Variants in TPD52L1 observed in about 807,000 individuals in gnomAD.
The protein encoded by TPD52L1 is TPD52 like 1, also known as tumor protein D53.
TPD52L1 carries 18 observed loss-of-function variants against 28.7 expected under a neutral mutation model. The observed-to-expected ratio is 0.63, with a 90% CI of 0.43 to 0.93. TPD52L1 has a LOEUF of 0.93. TPD52L1 is among the 40% of genes least tolerant of loss of function. TPD52L1 has a pLI of 0.00. For synonymous variants in TPD52L1, 75 were observed against 88.8 expected, an observed-to-expected ratio of 0.84 and a Z score of 0.88; for missense variants, 203 against 254.8, an observed-to-expected ratio of 0.80 and a Z score of 1.39.
chr6:125,245,249 T>A (rs987466461), intron 3 of TPD52L1, among the ~76,000 whole-genome samples: 4 of 152,180 alleles, frequency 2.6e-5, no homozygotes, highest in African/African-American at 9.7e-5. Flanking sequence ...TTAGCCAGGA[T>A]GTTACAGGCA....
chr6:125,257,143 T>C lies in TPD52L1; in HGVS notation c.471T>C (p.Thr157=), dbSNP rs1045504094. Residue 157 remains threonine (T), a synonymous_variant, in exon 6 of 7, where the codon ACT becomes ACC. Transcript: ENST00000534000. ...FKSFEERVET[T]VTSLKTKVGG... ...CATTTGAGGAGAGGGTTGAGACAACTGTCACAAGCCTCAAGGTACAGATGA... is the reference window on the plus strand; with the variant it reads ...CATTTGAGGAGAGGGTTGAGACAACCGTCACAAGCCTCAAGGTACAGATGA... 1 of 1,612,196 alleles carries C rather than the reference T, an allele frequency of 6.2e-7. No homozygotes were observed. Among genetic ancestry groups the C allele is most frequent in the Non-Finnish European group, 8.5e-7 (1 of 1,178,654 alleles).
At chr6:125,199,404 G>T (rs1414197047) in intron 1 of TPD52L1, among the ~76,000 whole-genome samples, 2 of 152,340 alleles carry the variant, frequency 1.3e-5, no homozygotes, top group East Asian at 1.9e-4. Context: ...AGTAAAAGAG[G>T]CCAGGCGCAG....
At chr6:125,262,737 T>G (rs1384162402) in intron 6 of TPD52L1, 97 bp from the exon 7 acceptor site, 3 of 1,459,396 alleles carry the variant, frequency 2.1e-6, no homozygotes, top group Non-Finnish European at 2.8e-6. Flanking sequence ...AAAGTATTTC[T>G]GAATTTGAAA....
chr6:125,180,076 A>T (rs1792087238), intron 1 of TPD52L1, among the ~76,000 whole-genome samples: 1 of 152,108 alleles, frequency 6.6e-6, no homozygotes, highest in African/African-American at 2.4e-5. Context: ...CCCTTTCATG[A>T]CCTTAACCTG....
intron 2 of TPD52L1, among the ~76,000 whole-genome samples, chr6:125,223,116 C>A (rs1161307628): frequency 6.6e-6 from 1 of 152,118 alleles, no homozygotes; most frequent in Admixed American, 6.6e-5. Flanking sequence ...GATTCTGATC[C>A]ATTTTATTAT....
At chr6:125,228,991 G>T (rs1348745386) in intron 2 of TPD52L1, 127 bp from the exon 3 acceptor site, 4 of 922,772 alleles carry the variant, frequency 4.3e-6, no homozygotes, top group Non-Finnish European at 6.3e-6. Context: ...GGTGTATTTG[G>T]CAAACCTACA....
chr6:125,154,338 G>A, intron 1 of TPD52L1: 1 of 1,061,554 alleles, frequency 9.4e-7, no homozygotes, highest in Non-Finnish European at 1.1e-6. Context: ...CCTTGAGGGA[G>A]TGGGGAGGGA....
At chr6:125,216,532 T>C (rs1794899722) in intron 1 of TPD52L1, among the ~76,000 whole-genome samples, 1 of 8,032 alleles carries the variant, frequency 1.2e-4, no homozygotes, top group African/African-American at 2.1e-4. Flanking sequence ...TGTGTGTGTA[T>C]ATATATATAT....
At chr6:125,231,034 G>A (rs1236677723) in intron 3 of TPD52L1, among the ~76,000 whole-genome samples, 4 of 152,188 alleles carry the variant, frequency 2.6e-5, no homozygotes, top group Non-Finnish European at 5.9e-5. Context: ...CAGTAGTTTT[G>A]GCCTCTGTCT....
chr6:125,232,001 G>A (rs957722878), intron 3 of TPD52L1, among the ~76,000 whole-genome samples: 3 of 152,174 alleles, frequency 2.0e-5, no homozygotes, highest in African/African-American at 4.8e-5. Flanking sequence ...CAAGTCTGGA[G>A]GAGAGGCACA....
At chr6:125,252,124 G>T (rs1287069810) in intron 4 of TPD52L1, 31 of 1,447,404 alleles carry the variant, frequency 2.1e-5, no homozygotes, top group Non-Finnish European at 2.9e-5. Context: ...TTCACACTGT[G>T]CCTGAACCAA....
chr6:125,244,286 T>G (rs2115026367), intron 3 of TPD52L1, among the ~76,000 whole-genome samples: 1 of 152,324 alleles, frequency 6.6e-6, no homozygotes, highest in East Asian at 1.9e-4. Context: ...TTTAGGCCAT[T>G]AGGAGAGGTA....
chr6:125,153,993 G>A (rs2277111), intron 1 of TPD52L1, 23 bp downstream of exon 1: 450,122 of 1,600,638 alleles, frequency 0.28, 66,292 homozygotes, highest in Admixed American at 0.44. Context: ...CGATCGCCCC[G>A]AGAGTCAGGT....
intron 1 of TPD52L1, among the ~76,000 whole-genome samples, chr6:125,167,883 G>A (rs1791011900): frequency 6.6e-6 from 1 of 152,064 alleles, no homozygotes; most frequent in Admixed American, 6.6e-5. Flanking sequence ...AATGGGGTGG[G>A]TTGAGTAACA....
chr6:125,256,970 C>A, intron 5 of TPD52L1, 128 bp from the exon 6 acceptor site: 1 of 682,424 alleles, frequency 1.5e-6, no homozygotes, highest in Non-Finnish European at 2.5e-6. Flanking sequence ...GTGGTTGGTG[C>A]AGGTGGCAAG....
intron 1 of TPD52L1, among the ~76,000 whole-genome samples, chr6:125,163,856 G>T (rs188473430): frequency 1.8e-3 from 275 of 149,522 alleles, no homozygotes; most frequent in African/African-American, 6.4e-3. Flanking sequence ...GGCAGAAGTT[G>T]CAGTGAGCCG....
chr6:125,165,092 A>ATATATATATATATATATATATT, intron 1 of TPD52L1, among the ~76,000 whole-genome samples: 1,091 of 104,158 alleles, frequency 0.01, 64 homozygotes, highest in South Asian at 0.036. Context: ...AAAGATATAT[A>ATATATATATATATATATATATT]TATATATTTT....
intron 1 of TPD52L1, among the ~76,000 whole-genome samples, chr6:125,174,117 T>C (rs1791679152): frequency 6.6e-6 from 1 of 152,214 alleles, no homozygotes; most frequent in Non-Finnish European, 1.5e-5. Flanking sequence ...AGTGGCATGA[T>C]GCAGATGAAT....
intron 1 of TPD52L1, chr6:125,154,470 G>C: frequency 1.0e-6 from 1 of 985,910 alleles, no homozygotes; most frequent in South Asian, 4.7e-5. Context: ...CTTCCCGCTC[G>C]GGGACCCGCC....
Sources: allele counts gnomAD v4.1 joint callset (sites outside exome capture counted in the v4.1 genomes callset), GRCh38; gene constraint gnomAD v4.1.1; transcripts MANE v1.5; gene names NCBI Gene and HGNC (gene_info 2026-07-23, HGNC 2026-07-21).